Variants in SLC16A7 observed in about 807,000 individuals in gnomAD.
SLC16A7 encodes the protein solute carrier family 16 member 7.
SLC16A7 carries 33 observed loss-of-function variants against 34.9 expected under a neutral mutation model. That is an observed-to-expected ratio of 0.94 (90% CI 0.72 to 1.26). The LOEUF (loss-of-function observed/expected upper bound fraction) is 1.26, where lower values mean the gene tolerates loss of function less well. Among genes scored for constraint, SLC16A7 ranks in the 50% most tolerant of loss-of-function variants. The probability of loss-of-function intolerance (pLI) is 0.00; values close to 1 mark genes in which losing one functional copy is unlikely to be tolerated. For synonymous variants in SLC16A7, 201 were observed against 206.6 expected (o/e 0.97, Z 0.23); for missense variants, 573 against 578.1 (o/e 0.99, Z 0.09).
chr12:59,741,129 A>G (rs1878281285), intron 3 of SLC16A7, among the ~76,000 whole-genome samples: 1 of 152,114 alleles, frequency 6.6e-6, no homozygotes, highest in East Asian at 1.9e-4. Flanking sequence ...GAAAATGGCC[A>G]TACTGCCCAA....
At chr12:59,615,536 CTATGTG>C (rs1243201187) in intron 1 of SLC16A7, among the ~76,000 whole-genome samples, 2 of 152,132 alleles carry the variant, frequency 1.3e-5, no homozygotes, top group Non-Finnish European at 2.9e-5. Context: ...ATGGAGAGGC[CTATGTG>C]TCAAGACTGG....
intron 3 of SLC16A7, among the ~76,000 whole-genome samples, chr12:59,732,984 A>G (rs1028953267): frequency 6.6e-6 from 1 of 152,176 alleles, no homozygotes; most frequent in Non-Finnish European, 1.5e-5. Context: ...AACACACCCA[A>G]AAGGGCTCTT....
chr12:59,677,611 G>A lies in SLC16A7; in HGVS notation c.-31+22361G>A, dbSNP rs141020658. Among the ~76,000 whole-genome samples, 109 of 152,196 alleles carry A rather than the reference G, an allele frequency of 7.2e-4. 1 individual carries two copies. The highest frequency in any genetic ancestry group is 7.1e-4 in the Non-Finnish European group (48 of 68,008). On this transcript the variant is annotated intron_variant, in intron 2 of 5. Coordinates refer to ENST00000547379, the MANE Select transcript of SLC16A7 (RefSeq NM_001270623.2). ...AATCTTCCCTCTTGTCTTTCCACAAGGCTACTGTTTTGTCATGGCTTTTCT... is the reference window on the plus strand; with the variant it reads ...AATCTTCCCTCTTGTCTTTCCACAAAGCTACTGTTTTGTCATGGCTTTTCT...
intron 1 of SLC16A7, among the ~76,000 whole-genome samples, chr12:59,599,199 G>T (rs1878569006): frequency 1.3e-5 from 2 of 152,178 alleles, no homozygotes; most frequent in Non-Finnish European, 2.9e-5. Context: ...AGGAAAGAGG[G>T]AGGGAAGCAG....
intron 2 of SLC16A7, among the ~76,000 whole-genome samples, chr12:59,671,886 TATGTAC>T (rs1869774447): frequency 7.5e-6 from 1 of 133,184 alleles, no homozygotes; most frequent in Non-Finnish European, 1.6e-5. Flanking sequence ...TATATGTATA[TATGTAC>T]ATATGTATAT....
rs1047769271 is a variant in SLC16A7 at position 59,596,481 on chromosome 12, C to T, written c.-130+245C>T. On this transcript the variant is annotated intron_variant, in intron 1 of 5. Coordinates refer to ENST00000547379, the MANE Select transcript of SLC16A7 (RefSeq NM_001270623.2). This position sits in a 1 kb window ranked among gnomAD's most constrained non-coding sequence, Gnocchi z 5.0. Reference sequence around the variant, plus strand: ...TCAGCCAGTGCGCGCCGACAGCTGCCCGGGAACTGAGGGGGCGCGCGGGGT... The same window carrying T: ...TCAGCCAGTGCGCGCCGACAGCTGCTCGGGAACTGAGGGGGCGCGCGGGGT... Among the ~76,000 whole-genome samples, 1 of 94,090 alleles carries T rather than the reference C, an allele frequency of 1.1e-5. No homozygotes were observed. The highest frequency in any genetic ancestry group is 9.8e-5 in the Admixed American group (1 of 10,168). 61.7% of individuals were successfully genotyped at this position (94,090 alleles called of 152,430 possible).
chr12:59,605,027 A>G (rs1878871296), intron 1 of SLC16A7, among the ~76,000 whole-genome samples: 1 of 151,872 alleles, frequency 6.6e-6, no homozygotes, highest in Non-Finnish European at 1.5e-5. Context: ...TTGTTTTTGT[A>G]TTCTTAGTAG....
chr12:59,752,883 C>A (rs1339431023), intron 3 of SLC16A7, among the ~76,000 whole-genome samples: 1 of 152,184 alleles, frequency 6.6e-6, no homozygotes, highest in African/African-American at 2.4e-5. Context: ...CAAAGGGAAG[C>A]CCATCAGACT....
intron 2 of SLC16A7, among the ~76,000 whole-genome samples, chr12:59,660,662 G>C (rs998099118): frequency 2.6e-5 from 4 of 151,960 alleles, no homozygotes; most frequent in Non-Finnish European, 5.9e-5. Context: ...AGTGAGCTTT[G>C]ATTGCCACTG....
intron 1 of SLC16A7, among the ~76,000 whole-genome samples, chr12:59,625,772 A>G (rs962264989): frequency 6.6e-6 from 1 of 151,882 alleles, no homozygotes; most frequent in Non-Finnish European, 1.5e-5. Context: ...CTACCTAGGT[A>G]TGTGCATTCA....
At chr12:59,761,130 A>C (rs1238602792) in intron 3 of SLC16A7, 1 of 1,278,728 alleles carries the variant, frequency 7.8e-7, no homozygotes, top group Non-Finnish European at 1.0e-6. Flanking sequence ...TACAGGTAGA[A>C]TATTTGAAAG....
intron 1 of SLC16A7, among the ~76,000 whole-genome samples, chr12:59,599,106 G>A (rs1878564382): frequency 1.3e-5 from 2 of 152,098 alleles, no homozygotes; most frequent in African/African-American, 4.8e-5. Flanking sequence ...CTAAATAAGA[G>A]CAAAGACCTT....
At chr12:59,627,076 T>A (rs1879960598) in intron 1 of SLC16A7, among the ~76,000 whole-genome samples, 1 of 151,874 alleles carries the variant, frequency 6.6e-6, no homozygotes, top group Non-Finnish European at 1.5e-5. Context: ...TTGAGTTGTC[T>A]TGTAAATAAA....
intron 3 of SLC16A7, among the ~76,000 whole-genome samples, chr12:59,751,653 G>A (rs1879580178): frequency 6.6e-6 from 1 of 152,236 alleles, no homozygotes; most frequent in African/African-American, 2.4e-5. Context: ...GCCTGCCTCT[G>A]TAGGCTCCAC....
In SLC16A7 at chr12:59,674,721, G is replaced by A. The variant is rs578242916; in HGVS notation, c.-31+19471G>A. Among the ~76,000 whole-genome samples, 7 of 152,282 alleles carry A rather than the reference G, an allele frequency of 4.6e-5. No individual in the cohort carries two copies. In the South Asian group the frequency reaches 1.2e-3, roughly 27 times the overall value. On this transcript the variant is annotated intron_variant, in intron 2 of 5. Coordinates refer to ENST00000547379, the MANE Select transcript of SLC16A7 (RefSeq NM_001270623.2). ...GGCAGAAATAAGGCAGGAGATCTAT[G>A]TTCCAATAAAAAGGGCTAAAATTTA...
chr12:59,694,001 A>G (rs1871977954), intron 2 of SLC16A7, among the ~76,000 whole-genome samples: 1 of 151,928 alleles, frequency 6.6e-6, no homozygotes, highest in African/African-American at 2.4e-5. Flanking sequence ...AGTTCATGGG[A>G]TTATGAAAAT....
chr12:59,667,841 C>G (rs755677371), intron 2 of SLC16A7, among the ~76,000 whole-genome samples: 2 of 152,168 alleles, frequency 1.3e-5, no homozygotes, highest in African/African-American at 4.8e-5. Context: ...GTTTCCCGGA[C>G]GGGGTCCGTG....
chr12:59,642,400 G>A (rs1357195216), intron 1 of SLC16A7, among the ~76,000 whole-genome samples: 4 of 151,774 alleles, frequency 2.6e-5, no homozygotes, highest in East Asian at 1.9e-4. Flanking sequence ...TATTTATTTC[G>A]CTTACCATAT....
chr12:59,680,757 A>G (rs1292100683), intron 2 of SLC16A7, among the ~76,000 whole-genome samples: 3 of 151,748 alleles, frequency 2.0e-5, no homozygotes, highest in Non-Finnish European at 1.5e-5. Flanking sequence ...TTCAATTGAT[A>G]TTTGTTGAAC....
Sources: gnomAD v4.1 joint callset for allele counts (sites outside exome capture counted in the v4.1 genomes callset) on GRCh38, gnomAD v4.1.1 for gene constraint, Gnocchi (gnomAD v3.1) non-coding constraint, MANE v1.5 for transcripts, NCBI Gene and HGNC (gene_info 2026-07-23, HGNC 2026-07-21) for gene names.